SEMA6B: variants seen among roughly 807,000 people sequenced by gnomAD.
The protein encoded by SEMA6B is semaphorin 6B, also known as semaphorin-6B.
SEMA6B carries 47 observed loss-of-function variants against 78.6 expected under a neutral mutation model. That is an observed-to-expected ratio of 0.60 (90% CI 0.47 to 0.76). The LOEUF is 0.76. Among genes scored for constraint, SEMA6B ranks in the 30% least tolerant of loss-of-function variants. The pLI, the probability that SEMA6B is intolerant of heterozygous loss-of-function variation, is 0.00. For synonymous variants in SEMA6B, 632 were observed against 592.2 expected (o/e 1.07, Z -0.98); for missense variants, 1,213 against 1,269.9 (o/e 0.96, Z 0.68).
At chr19:4,547,018 G>C (rs1977186752) in intron 14 of SEMA6B, among the ~76,000 whole-genome samples, 1 of 151,696 alleles carries the variant, frequency 6.6e-6, no homozygotes, top group Non-Finnish European at 1.5e-5. Context: ...GGAGTACAGT[G>C]TCATGATCAT....
At chr19:4,556,846 T>G (rs1599783203) in intron 5 of SEMA6B, 105 bp downstream of exon 5, 1 of 862,846 alleles carries the variant, frequency 1.2e-6, no homozygotes. Flanking sequence ...GGTTGGGGCG[T>G]GGCCAGGGCT....
rs1599777360 is a variant in SEMA6B at position 4,550,097 on chromosome 19, C to T, written c.1271+26G>A. Reference sequence around the variant, plus strand: ...ATCTACCCCATCCTGTCTCCCCTCGCCATGCCCTGCCTCTCCAGGACCGAC... The same window carrying T: ...ATCTACCCCATCCTGTCTCCCCTCGTCATGCCCTGCCTCTCCAGGACCGAC... On this transcript the variant is annotated intron_variant, in intron 12 of 16. Coordinates refer to ENST00000586582, the MANE Select transcript of SEMA6B (RefSeq NM_032108.4). The surrounding 1 kb of genome is among the most constrained non-coding windows in gnomAD (Gnocchi z 6.6). The T allele has an allele frequency of 6.2e-7, 1 of 1,611,148 alleles. No individual in the cohort carries two copies.
At position 4,558,617 on chromosome 19, in the gene SEMA6B, ACAATAATGG is replaced by A; in HGVS notation, c.-32-137_-32-129del. The A allele has an allele frequency of 2.2e-6, 1 of 450,774 alleles. No individual in the cohort carries two copies. The highest frequency in any genetic ancestry group is 3.6e-6 in the Non-Finnish European group (1 of 274,728). 27.9% of individuals were successfully genotyped at this position (450,774 alleles called of 1,614,324 possible). ...CTCACGGGGATAATAATTAATAAAAACAATAATGGCAATAATAATAATAATACACAGCAC... is the reference window on the plus strand; with the variant it reads ...CTCACGGGGATAATAATTAATAAAAACAATAATAATAATAATACACAGCAC... On this transcript the variant is annotated intron_variant, in intron 1 of 16. Transcript: ENST00000586582. The surrounding 1 kb of genome is among the most constrained non-coding windows in gnomAD (Gnocchi z 5.1).
rs757919197 is a variant in SEMA6B at position 4,542,789 on chromosome 19, C to T, written c.*812G>A. The T allele has an allele frequency of 1.3e-5, 9 of 700,840 alleles. No homozygotes were observed. The highest frequency in any genetic ancestry group is 4.5e-5 in the South Asian group (3 of 66,800). The allele number at this position is 700,840 out of a possible 1,614,324, so 43.4% of individuals were successfully genotyped here. On this transcript the variant is annotated 3_prime_UTR_variant, in exon 17 of 17. Transcript: ENST00000586582. The stretch of plus-strand genomic sequence containing the variant: ...ACAGAGGGGCCCCACCCACCTTCGC[C>T]GCCCCCCAGGCCCCCAAGCCCTTTA...
In SEMA6B at chr19:4,550,023, G is replaced by A. The variant is rs761913889; in HGVS notation, c.1271+100C>T. ...TGTCTCCAGCTCTCTGGGCAGCGCC[G>A]GAAGCCATGGGCTCATCTGTGTTGA... On this transcript the variant is annotated intron_variant, in intron 12 of 16. Coordinates refer to ENST00000586582, the MANE Select transcript of SEMA6B (RefSeq NM_032108.4). The surrounding 1 kb of genome is among the most constrained non-coding windows in gnomAD (Gnocchi z 6.6). 2.2e-4 allele frequency: 260 copies of A among 1,199,024 alleles called. 3 individuals carry two copies. Among genetic ancestry groups the A allele is most frequent in the Middle Eastern group, 2.8e-4 (1 of 3,542 alleles). 74.3% of individuals were successfully genotyped at this position (1,199,024 alleles called of 1,614,324 possible). A position where few individuals can be genotyped will look rare whatever the true frequency, so the allele number is the denominator to read the frequency against.
At position 4,546,405 on chromosome 19, in the gene SEMA6B, T is replaced by G. The variant is rs1352685229; in HGVS notation, c.1666A>C (p.Ser556Arg). The G allele has an allele frequency of 6.3e-7, 1 of 1,584,218 alleles. No individual in the cohort carries two copies. The highest frequency in any genetic ancestry group is 2.3e-5 in the East Asian group (1 of 43,100). Residue 556 changes from serine to arginine, a missense_variant, in exon 15 of 17, where the codon AGC (serine) becomes CGC (arginine). Ser to Arg is a moderately radical substitution (Grantham distance 110, BLOSUM62 -1). Transcript: ENST00000586582. The stretch of plus-strand genomic sequence containing the variant: ...CTCCCGCAGTACCTGGTGCCCGGGC[T>G]GAGGAAGATGCAGGAGCCGTCGGGG... Reference protein sequence around the residue: ...WAPDGSCIFLSPGTRAAFEQD... With the variant: ...WAPDGSCIFLRPGTRAAFEQD...
intron 16 of SEMA6B, 71 bp downstream of exon 16, chr19:4,546,145 C>A (rs2145345170): frequency 1.4e-6 from 2 of 1,453,662 alleles, no homozygotes; most frequent in Non-Finnish European, 1.8e-6. Context: ...CGAGGGTCCT[C>A]CAGCCTCCTC....
In SEMA6B at chr19:4,543,967, C is replaced by T. The variant is rs1399884566; in HGVS notation, c.2301G>A (p.Glu767=). 5 of 1,202,766 alleles carry T rather than the reference C, an allele frequency of 4.2e-6. No individual in the cohort carries two copies. In the Admixed American group the frequency reaches 1.8e-4, roughly 43 times the overall value. The allele number at this position is 1,202,766 out of a possible 1,614,324, so 74.5% of individuals were successfully genotyped here. ...RAPEQPPAPG[E]PTPDGRLYAA... is the part of the protein sequence containing the mutation. ...CATAGAGGCGGCCGTCGGGGGTCGG[C>T]TCCCCAGGCGCGGGGGGCTGCTCGG... The change falls in exon 17 of 17, where the codon GAG becomes GAA. Residue 767 remains glutamate (E), a synonymous_variant. Transcript: ENST00000586582.
At position 4,543,534 on chromosome 19, in the gene SEMA6B, T is replaced by G; in HGVS notation, c.*67A>C. On this transcript the variant is annotated 3_prime_UTR_variant, in exon 17 of 17. Coordinates refer to ENST00000586582, the MANE Select transcript of SEMA6B (RefSeq NM_032108.4). ...CTCGGAGTTGCCCCGGGCCCCGGCG[T>G]TCTGGCACCGTCTCTCGCTCCTGGT... 1.1e-6 allele frequency: 1 copy of G among 888,428 alleles called. No homozygotes were observed. Among genetic ancestry groups the G allele is most frequent in the Non-Finnish European group, 1.5e-6 (1 of 674,230 alleles). 55.0% of individuals were successfully genotyped at this position (888,428 alleles called of 1,614,324 possible). A position where few individuals can be genotyped will look rare whatever the true frequency, so the allele number is the denominator to read the frequency against.
At chr19:4,553,956 GA>G (rs1456583158) in intron 9 of SEMA6B, among the ~76,000 whole-genome samples, 1 of 152,074 alleles carries the variant, frequency 6.6e-6, no homozygotes, top group Admixed American at 6.6e-5. Flanking sequence ...TGAGTGCACG[GA>G]TGGATGGTAG....
chr19:4,549,341 C>T (rs1977257396), intron 12 of SEMA6B, among the ~76,000 whole-genome samples: 2 of 131,676 alleles, frequency 1.5e-5, no homozygotes, highest in South Asian at 4.9e-4. Flanking sequence ...CTCCCTCTGG[C>T]CCCAGGTTGG....
chr19:4,556,906 C>T (rs1404486719), intron 5 of SEMA6B, 45 bp downstream of exon 5: 4 of 1,573,256 alleles, frequency 2.5e-6, no homozygotes, highest in Non-Finnish European at 3.5e-6. Context: ...TGGGTAATGC[C>T]AGGGCTGATT....
chr19:4,547,789 C>T (rs1037613178), intron 14 of SEMA6B, among the ~76,000 whole-genome samples: 16 of 151,134 alleles, frequency 1.1e-4, no homozygotes, highest in African/African-American at 3.7e-4. Context: ...CATCCCCTCC[C>T]CGTCCTCCCC....
chr19:4,555,826 C>T lies in SEMA6B; in HGVS notation c.471+162G>A, dbSNP rs781061577. Among the ~76,000 whole-genome samples the T allele has an allele frequency of 2.0e-5, 3 of 152,190 alleles. No homozygotes were observed. Among genetic ancestry groups the T allele is most frequent in the Non-Finnish European group, 2.9e-5 (2 of 68,038 alleles). On this transcript the variant is annotated intron_variant, in intron 6 of 16. Transcript: ENST00000586582. The surrounding 1 kb of genome is among the most constrained non-coding windows in gnomAD (Gnocchi z 6.1). ...CCCTGTACAGGCCTCGTTTGGACAGCGCTGACTCCTCTTGAGCTCAGGGGG... is the reference window on the plus strand; with the variant it reads ...CCCTGTACAGGCCTCGTTTGGACAGTGCTGACTCCTCTTGAGCTCAGGGGG...
chr19:4,556,517 G>A (rs968629542), intron 5 of SEMA6B, among the ~76,000 whole-genome samples: 3 of 149,500 alleles, frequency 2.0e-5, no homozygotes, highest in Admixed American at 2.0e-4. Flanking sequence ...TTATTGGGGC[G>A]GGCCGGGGGC....
chr19:4,558,481 A>G lies in SEMA6B; in HGVS notation c.-24T>C. The G allele has an allele frequency of 8.1e-7, 1 of 1,238,204 alleles. No individual in the cohort carries two copies. The allele number at this position is 1,238,204 out of a possible 1,614,324, so 76.7% of individuals were successfully genotyped here. A position where few individuals can be genotyped will look rare whatever the true frequency, so the allele number is the denominator to read the frequency against. ...ATGGCGAGGGCCAGGCGACAGGAGGAGGTGACGCCTGCGGGCAAGGGGCGG... is the reference window on the plus strand; with the variant it reads ...ATGGCGAGGGCCAGGCGACAGGAGGGGGTGACGCCTGCGGGCAAGGGGCGG... On this transcript the variant is annotated 5_prime_UTR_variant, in exon 2 of 17. Coordinates refer to ENST00000586582, the MANE Select transcript of SEMA6B (RefSeq NM_032108.4). The surrounding 1 kb of genome is among the most constrained non-coding windows in gnomAD (Gnocchi z 5.1).
chr19:4,548,342 C>A lies in SEMA6B; in HGVS notation c.1375G>T (p.Val459Phe). The A allele has an allele frequency of 6.2e-7, 1 of 1,613,876 alleles. No individual in the cohort carries two copies. The change falls in exon 13 of 17, where the codon GTC becomes TTC. Residue 459 changes from valine (V) to phenylalanine (F), a missense_variant. Coordinates refer to ENST00000586582, the MANE Select transcript of SEMA6B (RefSeq NM_032108.4). ...SEAGTVLKFL[V>F]RPNASTSGTS... Reference sequence around the variant, plus strand: ...CCTGAGGTGCTGGCATTGGGCCGGACGAGGAACTTGAGGACCGTCCCCGCC... The same window carrying A: ...CCTGAGGTGCTGGCATTGGGCCGGAAGAGGAACTTGAGGACCGTCCCCGCC...
intron 5 of SEMA6B, among the ~76,000 whole-genome samples, chr19:4,556,653 G>C (rs1459499490): frequency 6.6e-6 from 1 of 151,968 alleles, no homozygotes; most frequent in African/African-American, 2.4e-5. Context: ...GGGGGTGGTG[G>C]TAGGACTGAC....
intron 9 of SEMA6B, among the ~76,000 whole-genome samples, chr19:4,553,708 GTGGATGGA>G (rs756222634): frequency 9.7e-6 from 1 of 102,812 alleles, no homozygotes; most frequent in Admixed American, 1.1e-4. Context: ...GGATGGATGT[GTGGATGGA>G]TGGATGGATG....
Sources: allele counts gnomAD v4.1 joint callset (sites outside exome capture counted in the v4.1 genomes callset), GRCh38; gene constraint gnomAD v4.1.1; non-coding constraint Gnocchi (gnomAD v3.1); transcripts MANE v1.5; gene names NCBI Gene and HGNC (gene_info 2026-07-23, HGNC 2026-07-21).